OR7E24: variants seen among roughly 807,000 people sequenced by gnomAD.
OR7E24 encodes olfactory receptor 7E24.
For missense variants in OR7E24, 385 were observed against 410.3 expected (o/e 0.94, Z 0.53); for synonymous variants, 130 against 157.5 (o/e 0.83, Z 1.31).
At chr19:9,218,272 C>T in the OR7E24 span, among the ~76,000 whole-genome samples, 8 of 151,912 alleles carry the variant, frequency 5.3e-5, no homozygotes, top group African/African-American at 1.9e-4. Context: ...CAGTAAATAA[C>T]ATATTCATAT....
the OR7E24 span, chr19:9,214,949 CCCTTCCTGGAGTCCT>C: frequency 1.6e-6 from 1 of 642,262 alleles, no homozygotes; most frequent in South Asian, 1.9e-5. Flanking sequence ...ACATTTGTCA[CCCTTCCTGGAGTCCT>C]TACAAAGACA....
upstream of OR7E24, among the ~76,000 whole-genome samples, chr19:9,249,678 C>T (rs944783559): frequency 6.6e-6 from 1 of 152,134 alleles, no homozygotes; most frequent in South Asian, 2.1e-4. Flanking sequence ...CTTGGCCAGG[C>T]ACAGTGGCTC....
At chr19:9,214,322 A>G in the OR7E24 span, 2 of 1,612,868 alleles carry the variant, frequency 1.2e-6, no homozygotes, top group East Asian at 2.2e-5. Flanking sequence ...GCGGAATCTC[A>G]GTGCCTGTGG....
the OR7E24 span, among the ~76,000 whole-genome samples, chr19:9,233,463 G>A: frequency 5.9e-5 from 9 of 152,288 alleles, 1 homozygote; most frequent in South Asian, 6.2e-4. Flanking sequence ...AGACTCACAC[G>A]TGACTTGTGT....
At chr19:9,248,294 A>G (rs77315360), upstream of OR7E24, among the ~76,000 whole-genome samples, 1,403 of 152,040 alleles carry the variant, frequency 9.2e-3, 13 homozygotes, top group African/African-American at 0.032. Context: ...AGCTTGTTTC[A>G]TTTCATCTTC....
chr19:9,240,653 A>G, the OR7E24 span, among the ~76,000 whole-genome samples: 1 of 152,062 alleles, frequency 6.6e-6, no homozygotes, highest in South Asian at 2.1e-4. Flanking sequence ...AAAGTTTTAA[A>G]ATTTGATGAA....
the OR7E24 span, chr19:9,214,580 C>CTGGA: frequency 6.2e-7 from 1 of 1,614,138 alleles, no homozygotes; most frequent in Non-Finnish European, 8.5e-7. Context: ...TGCTCCGTGC[C>CTGGA]TGGATGCTCA....
At position 9,251,278 on chromosome 19, in the gene OR7E24, T is replaced by A. The variant is rs771285474; in HGVS notation, c.235T>A (p.Phe79Ile). 8.9e-5 allele frequency: 143 copies of A among 1,613,932 alleles called. 2 individuals carry two copies. The Admixed American group carries it at 2.2e-3, about 24-fold the overall frequency. The change falls in exon 1 of 1, where the codon TTC (phenylalanine) becomes ATC (isoleucine). Residue 79 changes from phenylalanine (F) to isoleucine (I), a missense_variant. Coordinates refer to ENST00000456448, the MANE Select transcript of OR7E24 (RefSeq NM_001079935.2). ...CTCCCACCTCCACACCCCCATGTAC[T>A]TCTTCCTCTCCAACCTGTCCTTGGC... ...SDSHLHTPMY[F>I]FLSNLSLADI...
chr19:9,216,369 G>A, the OR7E24 span, among the ~76,000 whole-genome samples: 3 of 152,236 alleles, frequency 2.0e-5, no homozygotes, highest in South Asian at 6.2e-4. Context: ...TCACTGTGTA[G>A]GGACACAGCC....
At chr19:9,238,355 A>T in the OR7E24 span, among the ~76,000 whole-genome samples, 1 of 152,166 alleles carries the variant, frequency 6.6e-6, no homozygotes, top group Non-Finnish European at 1.5e-5. Context: ...TTTCCTAATG[A>T]TTCATTGAGC....
chr19:9,221,940 T>G, the OR7E24 span, among the ~76,000 whole-genome samples: 1 of 152,240 alleles, frequency 6.6e-6, no homozygotes, highest in African/African-American at 2.4e-5. Flanking sequence ...TTTCTAGCTT[T>G]TCTATTTTAG....
the OR7E24 span, among the ~76,000 whole-genome samples, chr19:9,224,513 T>C: frequency 6.6e-6 from 1 of 152,024 alleles, no homozygotes; most frequent in Non-Finnish European, 1.5e-5. Flanking sequence ...CCCAGCACTT[T>C]GGGAGGCTGA....
chr19:9,239,367 C>G, the OR7E24 span, among the ~76,000 whole-genome samples: 1 of 151,914 alleles, frequency 6.6e-6, no homozygotes, highest in African/African-American at 2.4e-5. Flanking sequence ...AGAGACGGGG[C>G]TTCACCGTGT....
chr19:9,214,344 C>G, the OR7E24 span: 1 of 1,614,048 alleles, frequency 6.2e-7, no homozygotes, highest in Non-Finnish European at 8.5e-7. Context: ...GAAGGTCAAC[C>G]TCTTCATCAG....
chr19:9,220,526 T>C, the OR7E24 span, among the ~76,000 whole-genome samples: 1 of 152,254 alleles, frequency 6.6e-6, no homozygotes, highest in Non-Finnish European at 1.5e-5. Context: ...TTCATCCATG[T>C]TGCAAATGAC....
the OR7E24 span, among the ~76,000 whole-genome samples, chr19:9,227,426 C>T: frequency 5.9e-5 from 9 of 152,162 alleles, 1 homozygote; most frequent in East Asian, 3.9e-4. Context: ...GACGGGGTTT[C>T]GCCACGTTGG....
At chr19:9,240,150 G>C in the OR7E24 span, among the ~76,000 whole-genome samples, 4 of 152,088 alleles carry the variant, frequency 2.6e-5, no homozygotes, top group Non-Finnish European at 4.4e-5. Context: ...GGGTTTACAG[G>C]CCTGAGCCAC....
chr19:9,245,687 G>A (rs1301630856), upstream of OR7E24, among the ~76,000 whole-genome samples: 6 of 152,200 alleles, frequency 3.9e-5, no homozygotes, highest in Non-Finnish European at 5.9e-5. Flanking sequence ...CGAATGGGTC[G>A]TGTGAGCCCC....
chr19:9,251,889 G>C lies in OR7E24; in HGVS notation c.846G>C (p.Val282=), dbSNP rs1464694201. 9.9e-6 allele frequency: 16 copies of C among 1,614,122 alleles called. No individual in the cohort carries two copies. The highest frequency in any genetic ancestry group is 1.4e-5 in the Non-Finnish European group (16 of 1,180,024). Residue 282 remains valine (V), a synonymous_variant, in exon 1 of 1, where the codon GTG becomes GTC. Transcript: ENST00000456448. ...TGLVGYLSSA[V]LPSPRKSMVA... is the part of the protein sequence containing the mutation. ...TTGTAGGGTACCTCAGTTCAGCTGTGTTACCATCCCCCAGGAAGAGTATGG... is the reference window on the plus strand; with the variant it reads ...TTGTAGGGTACCTCAGTTCAGCTGTCTTACCATCCCCCAGGAAGAGTATGG...
Sources: allele counts gnomAD v4.1 joint callset (sites outside exome capture counted in the v4.1 genomes callset), GRCh38; gene constraint gnomAD v4.1.1; transcripts MANE v1.5; gene names NCBI Gene and HGNC (gene_info 2026-07-23, HGNC 2026-07-21).